The following ZNF827 variants were observed in gnomAD, a reference collection of about 807,000 sequenced individuals.
ZNF827 encodes zinc finger protein 827.
Under a neutral mutation model 102.4 loss-of-function variants are expected in ZNF827, and 13 were observed. That is an observed-to-expected ratio of 0.13 (90% CI 0.08 to 0.20). The LOEUF is 0.20. ZNF827 is among the 10% of genes least tolerant of loss of function. The pLI is 1.00. For missense variants in ZNF827, 1,103 were observed against 1,344.4 expected (o/e 0.82, Z 2.81); for synonymous variants, 523 against 536.2 (o/e 0.98, Z 0.34).
chr4:145,894,663 G>GT (rs1170098909), intron 2 of ZNF827, among the ~76,000 whole-genome samples: 1 of 152,204 alleles, frequency 6.6e-6, no homozygotes, highest in East Asian at 1.9e-4. Context: ...CTTGTGATGT[G>GT]TTCCACCACA....
chr4:145,812,672 C>T (rs1053900711), intron 8 of ZNF827, among the ~76,000 whole-genome samples: 2 of 152,092 alleles, frequency 1.3e-5, no homozygotes, highest in Non-Finnish European at 2.9e-5. Context: ...GGACTACAGG[C>T]GCACGCCAAC....
In ZNF827 at chr4:145,774,550, A is replaced by T; in HGVS notation, c.2816T>A (p.Met939Lys). The change falls in exon 11 of 15, where the codon ATG (methionine) becomes AAG (lysine). Residue 939 changes from methionine (M) to lysine (K), a missense_variant. Around this residue, in one of 5 missense-constraint regions of ZNF827, gnomAD observed 242 missense variants for 361.9 expected, o/e 0.67. Coordinates refer to ENST00000508784, the MANE Select transcript of ZNF827 (RefSeq NM_001306215.2). ...ICCTACDFVT[M>K]EEAEIKTHIG... ...GTGAGTCTTTATCTCTGCTTCCTCC[A>T]TGGTGACGAAGTCGCAGGCAGTGCA... is the stretch of plus-strand genomic sequence containing the variant. The T allele has an allele frequency of 6.2e-7, 1 of 1,612,618 alleles. No homozygotes were observed. The highest frequency in any genetic ancestry group is 8.5e-7 in the Non-Finnish European group (1 of 1,179,442).
At chr4:145,928,729 T>C (rs1262841787) in intron 1 of ZNF827, among the ~76,000 whole-genome samples, 12 of 152,328 alleles carry the variant, frequency 7.9e-5, no homozygotes, top group South Asian at 2.1e-4. Context: ...AAATGTGCTA[T>C]ACAACACCTG....
intron 2 of ZNF827, among the ~76,000 whole-genome samples, chr4:145,895,276 G>A (rs917637593): frequency 1.3e-5 from 2 of 152,094 alleles, no homozygotes; most frequent in Non-Finnish European, 2.9e-5. Flanking sequence ...TGACCAATGC[G>A]TTTCCTATTC....
At chr4:145,785,082 G>A (rs999878222) in intron 8 of ZNF827, among the ~76,000 whole-genome samples, 4 of 152,130 alleles carry the variant, frequency 2.6e-5, no homozygotes, top group African/African-American at 4.8e-5. Flanking sequence ...TTTAAATGAA[G>A]CAAATAGGTG....
At chr4:145,804,520 G>A (rs1419949714) in intron 8 of ZNF827, among the ~76,000 whole-genome samples, 1 of 152,176 alleles carries the variant, frequency 6.6e-6, no homozygotes, top group Non-Finnish European at 1.5e-5. Context: ...GTCTTGAAAA[G>A]TCTATGAAGA....
At chr4:145,922,559 G>A (rs1206104750) in intron 1 of ZNF827, among the ~76,000 whole-genome samples, 1 of 152,186 alleles carries the variant, frequency 6.6e-6, no homozygotes, top group Non-Finnish European at 1.5e-5. Context: ...CTTTGATGAA[G>A]CAGTAAAAAT....
At chr4:145,826,999 G>A (rs190955386) in intron 7 of ZNF827, among the ~76,000 whole-genome samples, 129 of 151,940 alleles carry the variant, frequency 8.5e-4, no homozygotes, top group Non-Finnish European at 1.5e-3. Context: ...CACCTGCCTC[G>A]GCCTCCCAAA....
chr4:145,862,361 T>C (rs985945711), intron 5 of ZNF827, among the ~76,000 whole-genome samples: 2 of 152,232 alleles, frequency 1.3e-5, no homozygotes, highest in African/African-American at 4.8e-5. Context: ...AAGATTTCTC[T>C]GGGTATAGTA....
intron 7 of ZNF827, chr4:145,835,300 C>T (rs943291088): frequency 3.9e-5 from 6 of 152,266 alleles, no homozygotes; most frequent in East Asian, 1.9e-4. Context: ...GGAAGGTAAG[C>T]CCGTCCCCTT....
In ZNF827 at chr4:145,894,532, G is replaced by C. The variant is rs117224698; in HGVS notation, c.1094-2117C>G. 7.2e-5 allele frequency among the ~76,000 whole-genome samples: 11 copies of C among 152,276 alleles called. No individual in the cohort carries two copies. In the East Asian group the frequency reaches 2.1e-3, roughly 29 times the overall value. Reference sequence around the variant, plus strand: ...CTACATACAAAGGAGCACTTCAACTGGATGGAACCAGAGGGTTCTGGAATA... The same window carrying C: ...CTACATACAAAGGAGCACTTCAACTCGATGGAACCAGAGGGTTCTGGAATA... On this transcript the variant is annotated intron_variant, in intron 2 of 14. Coordinates refer to ENST00000508784, the MANE Select transcript of ZNF827 (RefSeq NM_001306215.2).
At chr4:145,937,610 C>T (rs1754300659) in intron 1 of ZNF827, among the ~76,000 whole-genome samples, 1 of 144,526 alleles carries the variant, frequency 6.9e-6, no homozygotes, top group Non-Finnish European at 1.5e-5. Flanking sequence ...CGGGAGCAGC[C>T]GCCCGGCGGC....
intron 2 of ZNF827, among the ~76,000 whole-genome samples, chr4:145,894,616 C>A (rs559570840): frequency 2.6e-5 from 4 of 152,286 alleles, no homozygotes; most frequent in African/African-American, 9.6e-5. Context: ...TTAGCTCAAC[C>A]ATGCAACTTG....
At chr4:145,904,195 G>A (rs1041919835) in intron 1 of ZNF827, among the ~76,000 whole-genome samples, 5 of 152,128 alleles carry the variant, frequency 3.3e-5, no homozygotes, top group African/African-American at 1.2e-4. Flanking sequence ...CCCCAGAAAA[G>A]CTGATTGTCC....
At chr4:145,769,873 A>C (rs1284197170) in intron 11 of ZNF827, among the ~76,000 whole-genome samples, 2 of 152,350 alleles carry the variant, frequency 1.3e-5, no homozygotes, top group African/African-American at 4.8e-5. Context: ...TAGGAAATTG[A>C]AACCATAAAA....
At chr4:145,845,835 A>G in intron 7 of ZNF827, 121 bp downstream of exon 7, 1 of 930,588 alleles carries the variant, frequency 1.1e-6, no homozygotes, top group South Asian at 1.5e-5. Flanking sequence ...ACATGGTGGT[A>G]AAGGGTGTGA....
intron 1 of ZNF827, among the ~76,000 whole-genome samples, chr4:145,916,768 G>T (rs1422556258): frequency 6.6e-6 from 1 of 151,942 alleles, no homozygotes; most frequent in African/African-American, 2.4e-5. Context: ...TTTACTATAT[G>T]AAGTTAATAG....
chr4:145,805,970 C>G (rs1741390593), intron 8 of ZNF827, among the ~76,000 whole-genome samples: 1 of 151,982 alleles, frequency 6.6e-6, no homozygotes, highest in African/African-American at 2.4e-5. Flanking sequence ...CCCCCTCTTT[C>G]CCTTGCTTAT....
chr4:145,800,557 G>T (rs867172024), intron 8 of ZNF827, among the ~76,000 whole-genome samples: 1 of 152,142 alleles, frequency 6.6e-6, no homozygotes, highest in Non-Finnish European at 1.5e-5. Flanking sequence ...TTACAGGTGT[G>T]AGCCACTGCA....
Sources: gnomAD v4.1 joint callset for allele counts (sites outside exome capture counted in the v4.1 genomes callset) on GRCh38, gnomAD v4.1.1 for gene constraint, gnomAD v4.1.1 regional missense constraint, MANE v1.5 for transcripts, NCBI Gene and HGNC (gene_info 2026-07-23, HGNC 2026-07-21) for gene names.